DISC1: variants seen among roughly 807,000 people sequenced by gnomAD.
DISC1 encodes DISC1 scaffold protein, also known as disrupted in schizophrenia 1 protein.
DISC1 carries 57 observed loss-of-function variants against 84.5 expected under a neutral mutation model. That is an observed-to-expected ratio of 0.67 (90% CI 0.55 to 0.84). The LOEUF (loss-of-function observed/expected upper bound fraction) is 0.84, where lower values mean the gene tolerates loss of function less well. Ranked by LOEUF, DISC1 falls within the 40% of genes least tolerant of loss-of-function variation. The pLI is 0.00. For missense variants in DISC1, 1,000 were observed against 1,057.8 expected (o/e 0.95, Z 0.76); for synonymous variants, 411 against 415.2 (o/e 0.99, Z 0.12).
chr1:231,626,881 G>C lies in DISC1; in HGVS notation c.14G>C (p.Gly5Ala). The change falls in exon 1 of 13, where the codon GGT (glycine) becomes GCT (alanine). Residue 5 changes from glycine (G) to alanine (A), a missense_variant. Physicochemically the swap from Gly to Ala is moderately conservative, Grantham distance 60. Around this residue, in one of 3 missense-constraint regions of DISC1, gnomAD observed 292 missense variants for 280.2 expected, o/e 1.04. Transcript: ENST00000439617. ...GCAGCGGGGCGCATGCCAGGCGGGG[G>C]TCCTCAGGGCGCCCCAGCCGCCGCC... MPGG[G>A]PQGAPAAAGG... 1.3e-6 allele frequency: 2 copies of C among 1,486,404 alleles called. No individual in the cohort carries two copies. The highest frequency in any genetic ancestry group is 1.8e-6 in the Non-Finnish European group (2 of 1,128,402). 92.1% of individuals were successfully genotyped at this position (1,486,404 alleles called of 1,614,324 possible).
intron 8 of DISC1, among the ~76,000 whole-genome samples, chr1:231,802,713 A>AGG (rs1215577734): frequency 6.6e-6 from 1 of 152,134 alleles, no homozygotes; most frequent in Non-Finnish European, 1.5e-5. Flanking sequence ...AGGCATTGAC[A>AGG]GGAGGTCAGT....
chr1:231,907,837 T>C (rs1043400315), intron 9 of DISC1, among the ~76,000 whole-genome samples: 6 of 152,218 alleles, frequency 3.9e-5, no homozygotes, highest in African/African-American at 1.4e-4. Flanking sequence ...CCAGTACCTG[T>C]TGTTTCCTGA....
At chr1:231,876,131 A>G (rs1436900554) in intron 9 of DISC1, among the ~76,000 whole-genome samples, 1 of 152,166 alleles carries the variant, frequency 6.6e-6, no homozygotes, top group Non-Finnish European at 1.5e-5. Context: ...TCAGTGTTGG[A>G]GGTAGGGACC....
chr1:231,991,442 G>C (rs1210214063), intron 10 of DISC1, among the ~76,000 whole-genome samples: 1 of 152,202 alleles, frequency 6.6e-6, no homozygotes, highest in Non-Finnish European at 1.5e-5. Context: ...TTCCTTGGCT[G>C]CCCTTAGTGT....
intron 9 of DISC1, among the ~76,000 whole-genome samples, chr1:231,841,438 G>T (rs2083060206): frequency 6.6e-6 from 1 of 152,208 alleles, no homozygotes; most frequent in South Asian, 2.1e-4. Context: ...CAGAGTGGGT[G>T]GTAGATCTTT....
intron 9 of DISC1, among the ~76,000 whole-genome samples, chr1:231,917,823 C>T (rs182023853): frequency 5.3e-5 from 8 of 152,300 alleles, no homozygotes; most frequent in African/African-American, 9.6e-5. Flanking sequence ...GTAAATAGTA[C>T]GTCTACTGAT....
At chr1:231,926,514 C>T (rs1229028504) in intron 9 of DISC1, among the ~76,000 whole-genome samples, 2 of 152,176 alleles carry the variant, frequency 1.3e-5, no homozygotes, top group Non-Finnish European at 2.9e-5. Flanking sequence ...AGGCACAGGA[C>T]ATTTGGATCT....
At chr1:231,853,838 C>T (rs2084072046) in intron 9 of DISC1, among the ~76,000 whole-genome samples, 1 of 152,216 alleles carries the variant, frequency 6.6e-6, no homozygotes, top group African/African-American at 2.4e-5. Flanking sequence ...CTTGGCATCT[C>T]CAGTGCCTGT....
intron 9 of DISC1, among the ~76,000 whole-genome samples, chr1:231,879,959 ATATGGGTGAG>A (rs2086176933): frequency 6.6e-6 from 1 of 152,220 alleles, no homozygotes; most frequent in Non-Finnish European, 1.5e-5. Context: ...CATTATAGCA[ATATGGGTGAG>A]TACTATGGTT....
chr1:231,629,933 A>G (rs1315067758), intron 1 of DISC1, among the ~76,000 whole-genome samples: 2 of 152,112 alleles, frequency 1.3e-5, no homozygotes, highest in African/African-American at 2.4e-5. Flanking sequence ...TGACCTTTAA[A>G]CAATATATAT....
At chr1:231,721,968 A>G (rs978336485) in intron 3 of DISC1, among the ~76,000 whole-genome samples, 3 of 152,082 alleles carry the variant, frequency 2.0e-5, no homozygotes, top group African/African-American at 7.2e-5. Flanking sequence ...CCTGGCTAAC[A>G]TGGTGAAACT....
intron 3 of DISC1, chr1:231,722,981 A>G: frequency 8.6e-7 from 1 of 1,164,062 alleles, no homozygotes; most frequent in Non-Finnish European, 1.1e-6. Flanking sequence ...AGTTACGGGA[A>G]TTAAACTTCG....
intron 1 of DISC1, among the ~76,000 whole-genome samples, chr1:231,674,731 T>C (rs2062971888): frequency 6.6e-6 from 1 of 152,244 alleles, no homozygotes; most frequent in Non-Finnish European, 1.5e-5. Flanking sequence ...TTGTATGGCC[T>C]TCGTGGCCAT....
At chr1:231,762,292 C>A (rs575760681) in intron 4 of DISC1, among the ~76,000 whole-genome samples, 315 of 143,596 alleles carry the variant, frequency 2.2e-3, no homozygotes, top group African/African-American at 7.7e-3. Context: ...CTTTTCTTTT[C>A]CCTTCCCTTG....
chr1:231,835,342 G>A (rs912658031), intron 9 of DISC1, among the ~76,000 whole-genome samples: 7 of 152,312 alleles, frequency 4.6e-5, no homozygotes, highest in East Asian at 1.9e-4. Flanking sequence ...GAGAGTCAGC[G>A]AAGGGAGATA....
chr1:232,027,614 C>T (rs112617199), intron 12 of DISC1, among the ~76,000 whole-genome samples: 1 of 152,294 alleles, frequency 6.6e-6, no homozygotes, highest in African/African-American at 2.4e-5. Flanking sequence ...TATATCCTTT[C>T]AGTTATTTAA....
intron 9 of DISC1, among the ~76,000 whole-genome samples, chr1:231,824,875 T>TGTCC (rs113368561): frequency 4.6e-4 from 69 of 150,004 alleles, no homozygotes; most frequent in African/African-American, 1.5e-3. Context: ...GTTGCATTTC[T>TGTCC]ATCCATCCAT....
At chr1:231,901,683 A>T (rs953475022) in intron 9 of DISC1, among the ~76,000 whole-genome samples, 15 of 152,142 alleles carry the variant, frequency 9.9e-5, no homozygotes, top group Admixed American at 9.8e-4. Context: ...TCATCTTCTG[A>T]TCCCATTTTT....
intron 9 of DISC1, among the ~76,000 whole-genome samples, chr1:231,867,494 A>G (rs1464911277): frequency 6.6e-6 from 1 of 152,244 alleles, no homozygotes; most frequent in African/African-American, 2.4e-5. Context: ...GGAGGAGCAG[A>G]GAGCGCCTGT....
Sources: allele counts gnomAD v4.1 joint callset (sites outside exome capture counted in the v4.1 genomes callset), GRCh38; gene constraint gnomAD v4.1.1; regional missense constraint gnomAD v4.1.1; transcripts MANE v1.5; gene names NCBI Gene and HGNC (gene_info 2026-07-23, HGNC 2026-07-21).